The following SH3PXD2A variants were observed in gnomAD, a reference collection of about 807,000 sequenced individuals.
The protein encoded by SH3PXD2A is SH3 and PX domains 2A, also known as SH3 and PX domain-containing protein 2A.
A neutral mutation model predicts 115.2 loss-of-function variants in SH3PXD2A; 32 were observed. The ratio of observed to expected loss-of-function variants is 0.28; its 90% CI spans 0.21 to 0.37. The LOEUF (loss-of-function observed/expected upper bound fraction) is 0.37. Among genes scored for constraint, SH3PXD2A ranks in the 10% least tolerant of loss-of-function variants. SH3PXD2A has a pLI of 1.00. For missense variants in SH3PXD2A, 1,328 were observed against 1,498.7 expected (o/e 0.89, Z 1.88); for synonymous variants, 610 against 629.1 (o/e 0.97, Z 0.45).
At chr10:103,838,843 T>C (rs2039570210) in intron 1 of SH3PXD2A, among the ~76,000 whole-genome samples, 1 of 152,202 alleles carries the variant, frequency 6.6e-6, no homozygotes, top group African/African-American at 2.4e-5. Flanking sequence ...ATTTGGATGT[T>C]CTAATGGGGG....
At chr10:103,702,521 G>A (rs541685168) in intron 5 of SH3PXD2A, among the ~76,000 whole-genome samples, 41 of 152,268 alleles carry the variant, frequency 2.7e-4, no homozygotes, top group African/African-American at 9.9e-4. Context: ...GCAGAAGCAG[G>A]AAGGAGATTT....
In SH3PXD2A at chr10:103,620,455, A is replaced by G. The variant is rs879406313; in HGVS notation, c.802+2015T>C. 1.4e-4 allele frequency among the ~76,000 whole-genome samples: 21 copies of G among 151,956 alleles called. No homozygotes were observed. Among genetic ancestry groups the G allele is most frequent in the Non-Finnish European group, 2.2e-4 (15 of 67,932 alleles). ...GTCTCCCCACTCCCTTCCTGCCCCC[A>G]CGACTTACCCAACCCCACTGAGAGA... On this transcript the variant is annotated intron_variant, in intron 10 of 14. Coordinates refer to ENST00000369774, the MANE Select transcript of SH3PXD2A (RefSeq NM_001394015.1). The surrounding 1 kb of genome is among the most constrained non-coding windows in gnomAD (Gnocchi z 5.3).
intron 4 of SH3PXD2A, among the ~76,000 whole-genome samples, chr10:103,731,731 C>CAATG (rs1440042333): frequency 6.6e-6 from 1 of 152,136 alleles, no homozygotes; most frequent in Non-Finnish European, 1.5e-5. Flanking sequence ...AGGGGAGAGC[C>CAATG]AATGATTGGC....
At chr10:103,768,643 G>A (rs1323306111) in intron 2 of SH3PXD2A, among the ~76,000 whole-genome samples, 4 of 152,128 alleles carry the variant, frequency 2.6e-5, no homozygotes, top group South Asian at 2.1e-4. Flanking sequence ...CTCTAGCTAC[G>A]GCGTAGGGAA....
intron 3 of SH3PXD2A, chr10:103,736,663 T>G (rs2038384167): frequency 2.5e-6 from 2 of 794,280 alleles, no homozygotes; most frequent in African/African-American, 1.8e-5. Flanking sequence ...TGTCCCTCTT[T>G]CCAGAACATC....
chr10:103,696,511 C>T (rs770966719), intron 5 of SH3PXD2A, among the ~76,000 whole-genome samples: 4 of 152,170 alleles, frequency 2.6e-5, no homozygotes, highest in Non-Finnish European at 4.4e-5. Flanking sequence ...TCCCATCAGT[C>T]CCCTTCTCCA....
chr10:103,722,838 A>G (rs1216761350), intron 5 of SH3PXD2A, among the ~76,000 whole-genome samples: 1 of 152,152 alleles, frequency 6.6e-6, no homozygotes, highest in Non-Finnish European at 1.5e-5. Context: ...AGCTACTGAT[A>G]AGCTCCTGAT....
In SH3PXD2A at chr10:103,850,320, G is replaced by C. The variant is rs528214935; in HGVS notation, c.72+4875C>G. On this transcript the variant is annotated intron_variant, in intron 1 of 14. Coordinates refer to ENST00000369774, the MANE Select transcript of SH3PXD2A (RefSeq NM_001394015.1). ...CTCACTCAGCTCAACACAGGGTTGC[G>C]ATAAATGGCTGGCTGTGCTCCCTGT... is the stretch of plus-strand genomic sequence containing the variant. Among the ~76,000 whole-genome samples, 65 of 152,228 alleles carry C rather than the reference G, an allele frequency of 4.3e-4. No individual in the cohort carries two copies. In the South Asian group the frequency reaches 0.011, roughly 26 times the overall value.
At chr10:103,614,991 G>T (rs1000392303) in intron 11 of SH3PXD2A, among the ~76,000 whole-genome samples, 2 of 152,204 alleles carry the variant, frequency 1.3e-5, no homozygotes, top group African/African-American at 2.4e-5. Context: ...GTGGGAGTCA[G>T]GGGCCTGTCT....
chr10:103,608,535 C>T (rs969902644), intron 13 of SH3PXD2A: 28 of 151,026 alleles, frequency 1.9e-4, no homozygotes, highest in Non-Finnish European at 4.4e-5. Flanking sequence ...TCTTCTCATC[C>T]ATAAATGTAC....
chr10:103,704,768 G>A (rs1018451703), intron 5 of SH3PXD2A, among the ~76,000 whole-genome samples: 1 of 152,190 alleles, frequency 6.6e-6, no homozygotes, highest in South Asian at 2.1e-4. Flanking sequence ...GTCTGCCAGA[G>A]CATACATGTA....
chr10:103,676,154 A>G (rs548842123), intron 6 of SH3PXD2A, among the ~76,000 whole-genome samples: 26 of 152,324 alleles, frequency 1.7e-4, no homozygotes, highest in Admixed American at 1.6e-3. Flanking sequence ...AAGGGTCCTC[A>G]TGGGGGATGT....
intron 1 of SH3PXD2A, among the ~76,000 whole-genome samples, chr10:103,833,153 G>T (rs1260128827): frequency 2.6e-5 from 4 of 152,136 alleles, no homozygotes; most frequent in Non-Finnish European, 5.9e-5. Context: ...AATATCTGGT[G>T]GTTAACCAGG....
In SH3PXD2A at chr10:103,756,866, G is replaced by A. The variant is rs2038647179; in HGVS notation, c.229+10228C>T. 6.6e-6 allele frequency among the ~76,000 whole-genome samples: 1 copy of A among 152,118 alleles called. No individual in the cohort carries two copies. The highest frequency in any genetic ancestry group is 6.6e-5 in the Admixed American group (1 of 15,258). The stretch of plus-strand genomic sequence containing the variant: ...CTTTGCCCTCTCACCTGCCTCTCCA[G>A]GACCCCAGCTGGTCTCCTCTGCTCC... On this transcript the variant is annotated intron_variant, in intron 3 of 14. Transcript: ENST00000369774. This position sits in a 1 kb window ranked among gnomAD's most constrained non-coding sequence, Gnocchi z 4.4.
At chr10:103,840,478 G>A (rs1355683446) in intron 1 of SH3PXD2A, among the ~76,000 whole-genome samples, 2 of 152,198 alleles carry the variant, frequency 1.3e-5, no homozygotes, top group Non-Finnish European at 2.9e-5. Context: ...CTGGCCACCC[G>A]TGGCTTTTGT....
Position 103,651,841 on chromosome 10 carries a change from G to A in SH3PXD2A, c.604+9142C>T, listed in dbSNP as rs138625328. Among the ~76,000 whole-genome samples the A allele has an allele frequency of 3.3e-3, 499 of 152,346 alleles. 3 individuals are homozygous for A. The highest frequency in any genetic ancestry group is 0.011 in the African/African-American group (461 of 41,572). ...CCCCAATAACCCTCCTGGCAGGAGT[G>A]TGGAAGAACAGAACATGCAGGCTTC... On this transcript the variant is annotated intron_variant, in intron 8 of 14. Transcript: ENST00000369774.
intron 3 of SH3PXD2A, among the ~76,000 whole-genome samples, chr10:103,757,399 C>A (rs2038654629): frequency 6.6e-6 from 1 of 152,128 alleles, no homozygotes; most frequent in South Asian, 2.1e-4. Context: ...TGACTGAGAC[C>A]ATGAGAAGAG....
intron 8 of SH3PXD2A, among the ~76,000 whole-genome samples, chr10:103,653,886 G>A (rs1015889423): frequency 2.0e-5 from 3 of 151,964 alleles, no homozygotes; most frequent in East Asian, 3.9e-4. Context: ...GGAGTTCTCC[G>A]GCTCACCAGC....
At chr10:103,815,960 T>C (rs554318849) in intron 1 of SH3PXD2A, among the ~76,000 whole-genome samples, 3 of 151,728 alleles carry the variant, frequency 2.0e-5, no homozygotes, top group Admixed American at 2.0e-4. Context: ...GCCAAATATA[T>C]AGAAGCAGAG....
Sources: gnomAD v4.1 joint callset for allele counts (sites outside exome capture counted in the v4.1 genomes callset) on GRCh38, gnomAD v4.1.1 for gene constraint, Gnocchi (gnomAD v3.1) non-coding constraint, MANE v1.5 for transcripts, NCBI Gene and HGNC (gene_info 2026-07-23, HGNC 2026-07-21) for gene names.